Variants in ELAPOR2 observed in about 807,000 individuals in gnomAD.
ELAPOR2 encodes the protein endosome-lysosome associated apoptosis and autophagy regulator family member 2, also known as endosome/lysosome-associated apoptosis and autophagy regulator family member 2.
ELAPOR2 carries 89 observed loss-of-function variants against 120.7 expected under a neutral mutation model. The ratio of observed to expected loss-of-function variants is 0.74; its 90% CI spans 0.62 to 0.88. ELAPOR2 has a LOEUF of 0.88. Ranked by LOEUF, ELAPOR2 falls within the 40% of genes least tolerant of loss-of-function variation. ELAPOR2 has a pLI of 0.00. For missense variants in ELAPOR2, 1,134 were observed against 1,251.6 expected (o/e 0.91, Z 1.42); for synonymous variants, 444 against 444.9 (o/e 1.00, Z 0.03).
At chr7:87,041,123 A>G (rs1374804342) in intron 1 of ELAPOR2, among the ~76,000 whole-genome samples, 1 of 152,230 alleles carries the variant, frequency 6.6e-6, no homozygotes, top group African/African-American at 2.4e-5. Context: ...TGAAAAGACC[A>G]AATCTATGTC....
intron 2 of ELAPOR2, among the ~76,000 whole-genome samples, chr7:86,963,726 C>T (rs1347655458): frequency 2.0e-5 from 3 of 152,202 alleles, no homozygotes; most frequent in Non-Finnish European, 4.4e-5. Context: ...GGCTCTGTTT[C>T]CCTTTCAACC....
chr7:86,996,807 C>T (rs1189461593), intron 1 of ELAPOR2, among the ~76,000 whole-genome samples: 2 of 152,112 alleles, frequency 1.3e-5, no homozygotes, highest in Admixed American at 6.5e-5. Context: ...GCTATCACTC[C>T]TCATCTCTCC....
chr7:86,908,177 A>T (rs1246520328), intron 17 of ELAPOR2, among the ~76,000 whole-genome samples: 1 of 150,642 alleles, frequency 6.6e-6, no homozygotes, highest in African/African-American at 2.5e-5. Flanking sequence ...ACACACACAC[A>T]CACACACACG....
chr7:87,021,817 C>T (rs1794049462), intron 1 of ELAPOR2, among the ~76,000 whole-genome samples: 1 of 152,074 alleles, frequency 6.6e-6, no homozygotes, highest in African/African-American at 2.4e-5. Flanking sequence ...TAACTTACAC[C>T]TTCAACAGAT....
In ELAPOR2 at chr7:86,961,726, A is replaced by T. The variant is rs185236111; in HGVS notation, c.310+3178T>A. ...GAAGATATGGATTGGAACAGGGGTT[A>T]CATCCCTTTGGTCTGAGATTAAAAC... On this transcript the variant is annotated intron_variant, in intron 2 of 21. Coordinates refer to ENST00000450689, the MANE Select transcript of ELAPOR2 (RefSeq NM_001142749.3). Among the ~76,000 whole-genome samples the T allele has an allele frequency of 8.5e-5, 13 of 152,372 alleles. No individual in the cohort carries two copies. In the East Asian group the frequency reaches 2.1e-3, roughly 25 times the overall value.
At chr7:86,917,536 T>C (rs996994238) in intron 12 of ELAPOR2, among the ~76,000 whole-genome samples, 9 of 152,182 alleles carry the variant, frequency 5.9e-5, no homozygotes, top group African/African-American at 1.4e-4. Flanking sequence ...ATTTCAGCAA[T>C]GGCACTGAGT....
intron 1 of ELAPOR2, among the ~76,000 whole-genome samples, chr7:86,973,629 T>A (rs1461708299): frequency 6.6e-6 from 1 of 152,126 alleles, no homozygotes; most frequent in East Asian, 1.9e-4. Context: ...TCCTGCACAA[T>A]GGTATGGTCT....
intron 21 of ELAPOR2, among the ~76,000 whole-genome samples, chr7:86,887,649 T>A (rs1799754182): frequency 6.6e-6 from 1 of 152,110 alleles, no homozygotes; most frequent in African/African-American, 2.4e-5. Context: ...GTAGAGGTAT[T>A]CAGCGGACCT....
intron 21 of ELAPOR2, among the ~76,000 whole-genome samples, chr7:86,885,001 A>G (rs745842260): frequency 1.1e-4 from 17 of 152,126 alleles, no homozygotes; most frequent in Non-Finnish European, 1.6e-4. Flanking sequence ...GCATTGACTC[A>G]TATTTGGACT....
At chr7:86,898,502 G>A (rs1005286214) in intron 18 of ELAPOR2, among the ~76,000 whole-genome samples, 3 of 139,572 alleles carry the variant, frequency 2.1e-5, no homozygotes, top group Non-Finnish European at 4.5e-5. Flanking sequence ...TGTATGGTAG[G>A]AGAATTATAT....
At chr7:87,011,265 A>G (rs1793654233) in intron 1 of ELAPOR2, among the ~76,000 whole-genome samples, 2 of 79,832 alleles carry the variant, frequency 2.5e-5, no homozygotes, top group Admixed American at 1.0e-4. Flanking sequence ...AAAAAAAAAA[A>G]AAAGAAAAGA....
In ELAPOR2 at chr7:86,879,382, T is replaced by G. The variant is rs922720193; in HGVS notation, c.*1089A>C. 2.0e-5 allele frequency: 3 copies of G among 152,212 alleles called. No homozygotes were observed. The highest frequency in any genetic ancestry group is 7.2e-5 in the African/African-American group (3 of 41,470). The allele number at this position is 152,212 out of a possible 1,614,324, so 9.4% of individuals were successfully genotyped here. On this transcript the variant is annotated 3_prime_UTR_variant, in exon 22 of 22. Transcript: ENST00000450689. ...GCTTATGAAATAACCACATTCTTAT[T>G]ATGAATACAATTATATGTAATTTTT...
At chr7:86,894,171 T>C (rs748081029) in intron 19 of ELAPOR2, among the ~76,000 whole-genome samples, 1 of 152,140 alleles carries the variant, frequency 6.6e-6, no homozygotes, top group Non-Finnish European at 1.5e-5. Flanking sequence ...AAGTTTTGGA[T>C]AGGAAATTTC....
rs1799243696 is a variant in ELAPOR2 at position 86,878,232 on chromosome 7, T to C, written c.*2239A>G. ...AGGCATAAAACTAAAGGAAATTTTA[T>C]AGCCAGGATTGGTCTAAATATTTTC... On this transcript the variant is annotated 3_prime_UTR_variant, in exon 22 of 22. Transcript: ENST00000450689. 6.6e-6 allele frequency: 1 copy of C among 152,198 alleles called. No individual in the cohort carries two copies. Among genetic ancestry groups the C allele is most frequent in the Admixed American group, 6.5e-5 (1 of 15,274 alleles). 9.4% of individuals were successfully genotyped at this position (152,198 alleles called of 1,614,324 possible). A position where few individuals can be genotyped will look rare whatever the true frequency, so the allele number is the denominator to read the frequency against.
chr7:87,035,023 T>C (rs1019415048), intron 1 of ELAPOR2, among the ~76,000 whole-genome samples: 3 of 151,236 alleles, frequency 2.0e-5, no homozygotes, highest in Non-Finnish European at 4.4e-5. Context: ...GAGGCAGAGG[T>C]TCCAGTGAGC....
At position 86,877,946 on chromosome 7, in the gene ELAPOR2, G is replaced by A. The variant is rs542671447; in HGVS notation, c.*2525C>T. ...ATCAAAATGCTCAATGTTGTTAAATGACATAATATAATTTATCCACAGAAG... is the reference window on the plus strand; with the variant it reads ...ATCAAAATGCTCAATGTTGTTAAATAACATAATATAATTTATCCACAGAAG... On this transcript the variant is annotated 3_prime_UTR_variant, in exon 22 of 22. Transcript: ENST00000450689. 1 of 152,236 alleles carries A rather than the reference G, an allele frequency of 6.6e-6. No homozygotes were observed. Among genetic ancestry groups the A allele is most frequent in the South Asian group, 2.1e-4 (1 of 4,824 alleles). 9.4% of individuals were successfully genotyped at this position (152,236 alleles called of 1,614,324 possible).
chr7:86,961,423 A>G, intron 2 of ELAPOR2, among the ~76,000 whole-genome samples: 1 of 152,256 alleles, frequency 6.6e-6, no homozygotes, highest in East Asian at 1.9e-4. Context: ...GGAGAAATAC[A>G]TTATGTTTAT....
intron 2 of ELAPOR2, among the ~76,000 whole-genome samples, chr7:86,956,512 A>G (rs192459407): frequency 6.6e-6 from 1 of 152,186 alleles, no homozygotes; most frequent in East Asian, 1.9e-4. Flanking sequence ...ATTTCTTAGG[A>G]CTTATCAGCC....
chr7:86,980,676 G>A (rs141615233), intron 1 of ELAPOR2, among the ~76,000 whole-genome samples: 1 of 152,046 alleles, frequency 6.6e-6, no homozygotes, highest in East Asian at 1.9e-4. Context: ...CTTCCTGTGG[G>A]TCTCAAGTAC....
Sources: gnomAD v4.1 joint callset for allele counts (sites outside exome capture counted in the v4.1 genomes callset) on GRCh38, gnomAD v4.1.1 for gene constraint, MANE v1.5 for transcripts, NCBI Gene and HGNC (gene_info 2026-07-23, HGNC 2026-07-21) for gene names.